The following KPNA7 variants were observed in gnomAD, a reference collection of about 807,000 sequenced individuals.
The protein encoded by KPNA7 is karyopherin subunit alpha 7.
Under a neutral mutation model 53.7 loss-of-function variants are expected in KPNA7, and 54 were observed. That is an observed-to-expected ratio of 1.01 (90% CI 0.81 to 1.26). KPNA7 has a LOEUF of 1.26. Among genes scored for constraint, KPNA7 ranks in the 50% most tolerant of loss-of-function variants. The probability of loss-of-function intolerance (pLI) is 0.00; values close to 1 mark genes in which losing one functional copy is unlikely to be tolerated. For missense variants in KPNA7, 640 were observed against 644.5 expected, an observed-to-expected ratio of 0.99 and a Z score of 0.07; for synonymous variants, 276 against 259.3, an observed-to-expected ratio of 1.06 and a Z score of -0.62.
rs1584297384 is a variant in KPNA7, at chr7:99,195,285, C to G, written c.338G>C (p.Gly113Ala). ...GAACTCCACCATCCTGGGAATGAGG[C>G]CCGCTTCAATGACCAGTTTCAGAGG... ...NPPLKLVIEA[G>A]LIPRMVEFLK... Residue 113 changes from glycine (G) to alanine (A), a missense_variant, in exon 5 of 11, where the codon GGC becomes GCC. Transcript: ENST00000327442. The G allele has an allele frequency of 6.4e-7, 1 of 1,551,532 alleles. No homozygotes were observed. Among genetic ancestry groups the G allele is most frequent in the Non-Finnish European group, 8.7e-7 (1 of 1,146,996 alleles).
intron 7 of KPNA7, among the ~76,000 whole-genome samples, chr7:99,187,392 T>C (rs1426656212): frequency 3.3e-5 from 5 of 151,462 alleles, no homozygotes; most frequent in African/African-American, 1.2e-4. Context: ...GAGAGGATAA[T>C]GGGTTGTTTT....
intron 2 of KPNA7, among the ~76,000 whole-genome samples, chr7:99,204,158 T>A (rs567171699): frequency 3.3e-5 from 5 of 152,134 alleles, no homozygotes; most frequent in South Asian, 4.2e-4. Context: ...GGTGGGAGGA[T>A]CATTGAGGCC....
At chr7:99,197,786 G>T (rs6972539) in intron 3 of KPNA7, among the ~76,000 whole-genome samples, 96,097 of 152,030 alleles carry the variant, frequency 0.63, 34,277 homozygotes, top group Non-Finnish European at 0.79. Context: ...GTCTGAGGAA[G>T]ATAACACACA....
At position 99,177,421 on chromosome 7, in the gene KPNA7, AAAG is replaced by A. The variant is rs150704358; in HGVS notation, c.1464+496_1464+498del. Among the ~76,000 whole-genome samples, 904 of 152,186 alleles carry A rather than the reference AAAG, an allele frequency of 5.9e-3. 5 individuals are homozygous for A. Among genetic ancestry groups the A allele is most frequent in the African/African-American group, 0.021 (881 of 41,526 alleles). ...AACACAGGGAAACCCTGTCTCTACTAAAGATTAGCTGGGCGTCGTAGTACATCT... is the reference window on the plus strand; with the variant it reads ...AACACAGGGAAACCCTGTCTCTACTAATTAGCTGGGCGTCGTAGTACATCT... On this transcript the variant is annotated intron_variant, in intron 10 of 10. Transcript: ENST00000327442.
intron 3 of KPNA7, among the ~76,000 whole-genome samples, chr7:99,200,498 G>C (rs1334664757): frequency 1.3e-5 from 2 of 152,124 alleles, no homozygotes; most frequent in Non-Finnish European, 2.9e-5. Flanking sequence ...GGGACTAGAA[G>C]ATGCAGACAC....
downstream of KPNA7, among the ~76,000 whole-genome samples, chr7:99,173,208 GAGA>G (rs1407361584): frequency 6.7e-6 from 1 of 150,206 alleles, no homozygotes; most frequent in African/African-American, 2.5e-5. Flanking sequence ...TATTTTTTTT[GAGA>G]AGGAGTTTCA....
the KPNA7 span, among the ~76,000 whole-genome samples, chr7:99,153,549 C>CAAAA: frequency 8.5e-6 from 1 of 117,632 alleles, no homozygotes; most frequent in Non-Finnish European, 1.9e-5. Flanking sequence ...GACACTGTCT[C>CAAAA]AAAAAAAAAA....
chr7:99,161,222 ACTCTCTCTCTCTCT>A, the KPNA7 span, among the ~76,000 whole-genome samples: 1,211 of 147,838 alleles, frequency 8.2e-3, 20 homozygotes, highest in African/African-American at 0.023. Context: ...ATGTACACAA[ACTCTCTCTCTCTCT>A]CTCTCTCTCT....
At chr7:99,201,225 A>G (rs537921353) in intron 3 of KPNA7, among the ~76,000 whole-genome samples, 3 of 152,204 alleles carry the variant, frequency 2.0e-5, no homozygotes, top group Admixed American at 2.0e-4. Context: ...CTCCTGAATG[A>G]CTGGAGTTTC....
At chr7:99,151,208 C>T in the KPNA7 span, among the ~76,000 whole-genome samples, 5 of 152,084 alleles carry the variant, frequency 3.3e-5, no homozygotes, top group African/African-American at 1.2e-4. Context: ...TGCTGATAGC[C>T]AACACCGTCT....
At chr7:99,212,830 G>A (rs764156723), upstream of KPNA7, among the ~76,000 whole-genome samples, 8 of 152,240 alleles carry the variant, frequency 5.3e-5, no homozygotes, top group Non-Finnish European at 8.8e-5. Context: ...AATCAAGGCT[G>A]CAGTGAGCCA....
the KPNA7 span, among the ~76,000 whole-genome samples, chr7:99,151,204 T>C: frequency 6.6e-6 from 1 of 152,148 alleles, no homozygotes; most frequent in East Asian, 1.9e-4. Context: ...ATCGTGCTGA[T>C]AGCCAACACC....
At chr7:99,184,851 G>T in intron 8 of KPNA7, 78 bp downstream of exon 8, 1 of 1,203,490 alleles carries the variant, frequency 8.3e-7, no homozygotes, top group Non-Finnish European at 1.2e-6. Context: ...CTGCACCTGT[G>T]TCTGGATTCC....
At chr7:99,215,398 G>T (rs1329493782) in intron 1 of KPNA7, among the ~76,000 whole-genome samples, 1 of 122,050 alleles carries the variant, frequency 8.2e-6, no homozygotes, top group Non-Finnish European at 1.8e-5. Context: ...AAAAAAAAAG[G>T]CATTTGCCAC....
chr7:99,207,913 C>T (rs1790905081), intron 1 of KPNA7, among the ~76,000 whole-genome samples, 115 bp downstream of exon 1: 2 of 152,096 alleles, frequency 1.3e-5, no homozygotes, highest in African/African-American at 4.8e-5. Flanking sequence ...GGATTACAGG[C>T]ATGAGCCACC....
At chr7:99,161,268 T>TCTCTCTCTCTCCCC in the KPNA7 span, among the ~76,000 whole-genome samples, 33 of 123,084 alleles carry the variant, frequency 2.7e-4, no homozygotes, top group African/African-American at 1.0e-3. Context: ...TCTCTCTCTC[T>TCTCTCTCTCTCCCC]CTGATCACTT....
intron 3 of KPNA7, among the ~76,000 whole-genome samples, chr7:99,201,603 C>T (rs966741851): frequency 2.7e-5 from 4 of 150,712 alleles, no homozygotes; most frequent in Admixed American, 1.3e-4. Flanking sequence ...GCGGAAGTTG[C>T]GGTGAGCCAA....
downstream of KPNA7, among the ~76,000 whole-genome samples, chr7:99,173,423 C>A (rs1798807991): frequency 6.6e-6 from 1 of 152,166 alleles, no homozygotes; most frequent in African/African-American, 2.4e-5. Flanking sequence ...AAACTCCTGA[C>A]CTCAGGTGAT....
At chr7:99,173,080 A>AAAAAG (rs1563061796), downstream of KPNA7, among the ~76,000 whole-genome samples, 38 of 147,916 alleles carry the variant, frequency 2.6e-4, no homozygotes, top group Non-Finnish European at 2.8e-4. Context: ...AAAAAAAAAA[A>AAAAAG]AAAAGAAAAA....
Sources: gnomAD v4.1 joint callset for allele counts (sites outside exome capture counted in the v4.1 genomes callset) on GRCh38, gnomAD v4.1.1 for gene constraint, MANE v1.5 for transcripts, NCBI Gene and HGNC (gene_info 2026-07-23, HGNC 2026-07-21) for gene names.